SFTPC: variants seen among roughly 807,000 people sequenced by gnomAD.
SFTPC encodes BRICHOS domain containing 6.
A neutral mutation model predicts 19.9 loss-of-function variants in SFTPC; 12 were observed. The ratio of observed to expected loss-of-function variants is 0.60; its 90% CI spans 0.39 to 0.98. The LOEUF is 0.98. SFTPC is among the 50% of genes least tolerant of loss of function. SFTPC has a pLI of 0.00. For synonymous variants in SFTPC, 123 were observed against 103.3 expected (o/e 1.19, Z -1.16); for missense variants, 219 against 252.2 (o/e 0.87, Z 0.89).
chr8:22,157,944 C>G (rs967817531), upstream of SFTPC, among the ~76,000 whole-genome samples: 3 of 152,002 alleles, frequency 2.0e-5, no homozygotes, highest in Admixed American at 6.5e-5. Flanking sequence ...AGACATATCC[C>G]ACATAAACAA....
chr8:22,160,636 A>C (rs1827678773), upstream of SFTPC, among the ~76,000 whole-genome samples: 1 of 152,042 alleles, frequency 6.6e-6, no homozygotes, highest in African/African-American at 2.4e-5. Context: ...AAAACAAAAC[A>C]AAAGGATAGG....
At chr8:22,162,307 C>T (rs1002483015) in intron 1 of SFTPC, among the ~76,000 whole-genome samples, 2 of 152,170 alleles carry the variant, frequency 1.3e-5, no homozygotes, top group Non-Finnish European at 2.9e-5. Context: ...CTGGGGGAAG[C>T]AGCAGGGAGA....
chr8:22,161,634 C>G (rs1211179882), upstream of SFTPC: 1 of 1,556,892 alleles, frequency 6.4e-7, no homozygotes, highest in Non-Finnish European at 8.7e-7. Flanking sequence ...GCCAAGGGCC[C>G]TTGGGGGCTC....
chr8:22,163,730 C>T (rs1035353561), intron 4 of SFTPC, 171 bp from the exon 5 acceptor site: 11 of 815,308 alleles, frequency 1.3e-5, no homozygotes, highest in Non-Finnish European at 2.3e-5. Context: ...CTGCTGGGCT[C>T]AGCTGAGTCC....
At chr8:22,162,442 C>A in intron 1 of SFTPC, 132 bp from the exon 2 acceptor site, 2 of 989,958 alleles carry the variant, frequency 2.0e-6, no homozygotes, top group Non-Finnish European at 1.6e-6. Context: ...TCTCCTCAGC[C>A]CTTCCCTGTC....
At chr8:22,161,203 G>T (rs934198439), upstream of SFTPC, among the ~76,000 whole-genome samples, 1 of 152,216 alleles carries the variant, frequency 6.6e-6, no homozygotes, top group African/African-American at 2.4e-5. Context: ...CAAGTTTGAG[G>T]TTGGTACCAG....
chr8:22,164,031 A>G lies in SFTPC; in HGVS notation c.566A>G (p.Tyr189Cys). The G allele has an allele frequency of 6.2e-7, 1 of 1,612,026 alleles. No homozygotes were observed. The highest frequency in any genetic ancestry group is 8.5e-7 in the Non-Finnish European group (1 of 1,180,008). Residue 189 changes from tyrosine to cysteine, a missense_variant, in exon 5 of 6, where the codon TAC (tyrosine) becomes TGC (cysteine). Coordinates refer to ENST00000679463, the MANE Select transcript of SFTPC (RefSeq NM_001317778.2). ...ACCCTGTGTGGCGAGGTGCCGCTCT[A>G]CTACATCTAGGACGCCTCCGGTGAG... The part of the protein sequence containing the change: ...VSTLCGEVPL[Y>C]YI
upstream of SFTPC, chr8:22,161,589 G>T: frequency 1.6e-6 from 2 of 1,283,430 alleles, no homozygotes; most frequent in Non-Finnish European, 2.1e-6. Context: ...ACCCAGGTTT[G>T]CTCTTGCTGG....
At chr8:22,162,496 G>A (rs963314222) in intron 1 of SFTPC, 78 bp from the exon 2 acceptor site, 2 of 1,519,130 alleles carry the variant, frequency 1.3e-6, no homozygotes, top group African/African-American at 1.4e-5. Flanking sequence ...CCGTGGGAGG[G>A]TGTTCAGCTT....
At position 22,162,672 on chromosome 8, in the gene SFTPC, C is replaced by G. The variant is rs764818190; in HGVS notation, c.141C>G (p.Val47=). ...LIVVVVVVLI[V]VVIVGALLMG... ...TGGTGGTGGTGGTGGTCCTCATCGT[C>G]GTGGTGATTGTGGGAGCCCTGCTCA... Residue 47 remains valine (V), a synonymous_variant, in exon 2 of 6, where the codon GTC becomes GTG. Transcript: ENST00000679463. 8 of 1,614,080 alleles carry G rather than the reference C, an allele frequency of 5.0e-6. No individual in the cohort carries two copies. Among genetic ancestry groups the G allele is most frequent in the Non-Finnish European group, 5.9e-6 (7 of 1,180,050 alleles).
intron 1 of SFTPC, among the ~76,000 whole-genome samples, chr8:22,162,217 G>A (rs8192323): frequency 6.6e-6 from 1 of 152,168 alleles, no homozygotes; most frequent in Non-Finnish European, 1.5e-5. Context: ...GGAGAAGGAG[G>A]AAGGCATTCC....
At chr8:22,158,920 C>T (rs901876769), upstream of SFTPC, 2 of 152,238 alleles carry the variant, frequency 1.3e-5, no homozygotes, top group African/African-American at 4.8e-5. Flanking sequence ...AAGCGTGCTC[C>T]TTTCTTTCCC....
chr8:22,164,000 G>A lies in SFTPC; in HGVS notation c.535G>A (p.Val179Met). 1.2e-6 allele frequency: 2 copies of A among 1,612,540 alleles called. No individual in the cohort carries two copies. The highest frequency in any genetic ancestry group is 1.7e-5 in the Admixed American group (1 of 60,036). The change falls in exon 5 of 6, where the codon GTG (valine) becomes ATG (methionine). Residue 179 changes from valine (V) to methionine (M), a missense_variant. Coordinates refer to ENST00000679463, the MANE Select transcript of SFTPC (RefSeq NM_001317778.2). ...GGDPAFLGMA[V>M]STLCGEVPLY... The stretch of plus-strand genomic sequence containing the variant: ...GGACCCGGCCTTCCTGGGCATGGCC[G>A]TGAGCACCCTGTGTGGCGAGGTGCC...
chr8:22,162,764 C>T, intron 2 of SFTPC, 32 bp downstream of exon 2: 1 of 1,613,156 alleles, frequency 6.2e-7, no homozygotes. Context: ...GCAGTGGGCA[C>T]AGGACATGCC....
Position 22,161,800 on chromosome 8 carries a change from G to C in SFTPC, c.-29G>C. ...GACCCTGGTCACACCTGGGAGAGGAGGAGAGGAGAGCATAGCACCTGCAGC... is the reference window on the plus strand; with the variant it reads ...GACCCTGGTCACACCTGGGAGAGGACGAGAGGAGAGCATAGCACCTGCAGC... On this transcript the variant is annotated 5_prime_UTR_variant, in exon 1 of 6. Transcript: ENST00000679463. The C allele has an allele frequency of 6.2e-7, 1 of 1,614,078 alleles. No homozygotes were observed. The highest frequency in any genetic ancestry group is 1.6e-4 in the Middle Eastern group (1 of 6,062).
At chr8:22,162,011 G>C (rs1327521222) in intron 1 of SFTPC, 141 bp downstream of exon 1, 2 of 910,536 alleles carry the variant, frequency 2.2e-6, no homozygotes, top group Admixed American at 4.0e-5. Flanking sequence ...AGTCAGGATG[G>C]GGACACCAAG....
Position 22,163,141 on chromosome 8 carries a change from T to C in SFTPC, c.263T>C (p.Leu88Pro). 2 of 1,614,156 alleles carry C rather than the reference T, an allele frequency of 1.2e-6. No homozygotes were observed. Among genetic ancestry groups the C allele is most frequent in the Non-Finnish European group, 8.5e-7 (1 of 1,180,016 alleles). Residue 88 changes from leucine to proline, a missense_variant, in exon 3 of 6, where the codon CTG becomes CCG. Coordinates refer to ENST00000679463, the MANE Select transcript of SFTPC (RefSeq NM_001317778.2). ...CAACGCCTGGCCCTGAGTGAGCACC[T>C]GGTTACCACTGCCACCTTCTCCATC... ...AQQRLALSEH[L>P]VTTATFSIGS...
At position 22,163,147 on chromosome 8, in the gene SFTPC, C is replaced by T; in HGVS notation, c.269C>T (p.Thr90Ile). The T allele has an allele frequency of 6.2e-7, 1 of 1,614,174 alleles. No individual in the cohort carries two copies. The highest frequency in any genetic ancestry group is 8.5e-7 in the Non-Finnish European group (1 of 1,180,018). The change falls in exon 3 of 6, where the codon ACC becomes ATC. Residue 90 changes from threonine (T) to isoleucine (I), a missense_variant. By Grantham distance (89) the Thr-to-Ile change is moderately conservative. Coordinates refer to ENST00000679463, the MANE Select transcript of SFTPC (RefSeq NM_001317778.2). ...CTGGCCCTGAGTGAGCACCTGGTTA[C>T]CACTGCCACCTTCTCCATCGGCTCC... is the stretch of plus-strand genomic sequence containing the variant. ...QRLALSEHLV[T>I]TATFSIGSTG...
At chr8:22,160,183 G>A (rs765330668), upstream of SFTPC, among the ~76,000 whole-genome samples, 4 of 152,210 alleles carry the variant, frequency 2.6e-5, no homozygotes, top group Non-Finnish European at 5.9e-5. Flanking sequence ...CAGTTCAGAT[G>A]CCATGCTGTT....
Sources: gnomAD v4.1 joint callset for allele counts (sites outside exome capture counted in the v4.1 genomes callset) on GRCh38, gnomAD v4.1.1 for gene constraint, MANE v1.5 for transcripts, NCBI Gene and HGNC (gene_info 2026-07-23, HGNC 2026-07-21) for gene names.